Variants in GOLGA8B observed in about 807,000 individuals in gnomAD.
GOLGA8B encodes the protein golgin A8 family member B.
Under a neutral mutation model 15.6 loss-of-function variants are expected in GOLGA8B, and 1 was observed. The observed-to-expected ratio is 0.06, with a 90% CI of 0.02 to 0.30. GOLGA8B has a LOEUF of 0.30. GOLGA8B is among the 10% of genes least tolerant of loss of function. The probability of loss-of-function intolerance (pLI) is 1.00; values close to 1 mark genes in which losing one functional copy is unlikely to be tolerated. For missense variants in GOLGA8B, 17 were observed against 201.3 expected, an observed-to-expected ratio of 0.08 and a Z score of 5.54; for synonymous variants, 9 against 80.3, an observed-to-expected ratio of 0.11 and a Z score of 4.75.
chr15:34,581,827 A>T (rs1280834821), intron 1 of GOLGA8B, among the ~76,000 whole-genome samples: 1 of 152,094 alleles, frequency 6.6e-6, no homozygotes, highest in African/African-American at 2.4e-5. Flanking sequence ...CGCACTTCCT[A>T]ACAAATGAGA....
At chr15:34,564,404 C>T (rs969338709) in intron 1 of GOLGA8B, among the ~76,000 whole-genome samples, 17 of 145,380 alleles carry the variant, frequency 1.2e-4, no homozygotes, top group Non-Finnish European at 1.7e-4. Context: ...TACTTCTAGG[C>T]TGCTGTAAAG....
At chr15:34,570,087 A>AC (rs1184484760) in intron 1 of GOLGA8B, among the ~76,000 whole-genome samples, 79 of 151,794 alleles carry the variant, frequency 5.2e-4, no homozygotes, top group African/African-American at 1.5e-3. Context: ...TCTTCTCCCT[A>AC]CCCCTCATCT....
intron 1 of GOLGA8B, among the ~76,000 whole-genome samples, chr15:34,561,316 G>GT (rs1325308700): frequency 6.6e-6 from 1 of 150,994 alleles, no homozygotes; most frequent in Non-Finnish European, 1.5e-5. Context: ...TAATACACTT[G>GT]TAACATAAAG....
intron 1 of GOLGA8B, among the ~76,000 whole-genome samples, chr15:34,563,964 T>C (rs1169330191): frequency 2.2e-5 from 3 of 137,966 alleles, no homozygotes; most frequent in Non-Finnish European, 4.9e-5. Flanking sequence ...ACCAATGGTA[T>C]GCAGGGCTGA....
At chr15:34,559,393 A>T (rs1218021186) in intron 1 of GOLGA8B, among the ~76,000 whole-genome samples, 1 of 143,274 alleles carries the variant, frequency 7.0e-6, no homozygotes, top group Non-Finnish European at 1.5e-5. Flanking sequence ...ACACCTAAAA[A>T]TGGTTAAGAT....
intron 1 of GOLGA8B, among the ~76,000 whole-genome samples, chr15:34,577,507 TACACACACACACAC>T (rs71119972): frequency 3.6e-3 from 446 of 125,292 alleles, no homozygotes; most frequent in African/African-American, 0.011. Context: ...TTATATATCA[TACACACACACACAC>T]ACACACACAC....
At chr15:34,575,628 C>G (rs1235765233) in intron 1 of GOLGA8B, among the ~76,000 whole-genome samples, 1 of 152,094 alleles carries the variant, frequency 6.6e-6, no homozygotes, top group Non-Finnish European at 1.5e-5. Context: ...GGGTGCCACA[C>G]TCCAGGCTGG....
Position 34,579,019 on chromosome 15 carries a change from T to G in GOLGA8B, c.-1123+4497A>C, listed in dbSNP as rs1413116108. On this transcript the variant is annotated intron_variant, in intron 1 of 23. Coordinates refer to ENST00000683415, the MANE Select transcript of GOLGA8B (RefSeq NM_001023567.5). The stretch of plus-strand genomic sequence containing the variant: ...CCACACCATGGAGTCCTTGCTATCA[T>G]AAAATATCTCGCATCAGTTCAATAT... Among the ~76,000 whole-genome samples, 3 of 152,018 alleles carry G rather than the reference T, an allele frequency of 2.0e-5. 1 individual carries two copies. Among genetic ancestry groups the G allele is most frequent in the Non-Finnish European group, 4.4e-5 (3 of 68,020 alleles).
chr15:34,571,400 T>C (rs1888910105), intron 1 of GOLGA8B, among the ~76,000 whole-genome samples: 1 of 151,752 alleles, frequency 6.6e-6, no homozygotes, highest in Non-Finnish European at 1.5e-5. Flanking sequence ...AGAAGAGGAA[T>C]GAAGAGGTAA....
At chr15:34,572,696 G>A (rs1424745614) in intron 1 of GOLGA8B, among the ~76,000 whole-genome samples, 10 of 152,176 alleles carry the variant, frequency 6.6e-5, no homozygotes, top group Non-Finnish European at 1.5e-4. Flanking sequence ...GTGAAGTTAG[G>A]GGGAAGCTTT....
chr15:34,574,765 C>G (rs1889021637), intron 1 of GOLGA8B: 1 of 152,308 alleles, frequency 6.6e-6, no homozygotes, highest in Non-Finnish European at 1.5e-5. Context: ...TCCCCCACCT[C>G]CACACCATGC....
intron 1 of GOLGA8B, among the ~76,000 whole-genome samples, chr15:34,581,948 G>A (rs572794850): frequency 1.3e-5 from 2 of 152,240 alleles, no homozygotes; most frequent in South Asian, 4.2e-4. Flanking sequence ...AGGGCTGCCG[G>A]CACACAGCTG....
At chr15:34,556,818 T>C (rs1308861082) in intron 1 of GOLGA8B, 5 of 639,692 alleles carry the variant, frequency 7.8e-6, no homozygotes, top group Admixed American at 5.5e-5. Context: ...CACGAGCAGG[T>C]AGGACTCTAG....
At chr15:34,580,360 T>C (rs1391370499) in intron 1 of GOLGA8B, among the ~76,000 whole-genome samples, 1 of 152,114 alleles carries the variant, frequency 6.6e-6, no homozygotes, top group African/African-American at 2.4e-5. Context: ...GGAAAGCCAC[T>C]GAAGGCCTGG....
Position 34,527,169 on chromosome 15 carries a change from G to A in GOLGA8B, c.*463C>T, listed in dbSNP as rs113580125. 192 of 300,314 alleles carry A rather than the reference G, an allele frequency of 6.4e-4. 11 individuals are homozygous for A. The highest frequency in any genetic ancestry group is 4.1e-3 in the African/African-American group (181 of 44,180). The allele number at this position is 300,314 out of a possible 1,614,324, so 18.6% of individuals were successfully genotyped here. A position where few individuals can be genotyped will look rare whatever the true frequency, so the allele number is the denominator to read the frequency against. ...CACTTGAGGGCAAACCGCATATTGA[G>A]CTATGGAAGAGCTCACTGTGATTAA... On this transcript the variant is annotated 3_prime_UTR_variant, in exon 24 of 24. Coordinates refer to ENST00000683415, the MANE Select transcript of GOLGA8B (RefSeq NM_001023567.5).
At chr15:34,572,113 C>T (rs36110558) in intron 1 of GOLGA8B, among the ~76,000 whole-genome samples, 58,092 of 151,314 alleles carry the variant, frequency 0.38, 10,556 homozygotes, top group Admixed American at 0.47. Context: ...GCTATCACTT[C>T]ACACCCACAT....
Position 34,525,249 on chromosome 15 carries a change from G to A in GOLGA8B, c.*2383C>T, listed in dbSNP as rs1894418705. 1.3e-5 allele frequency: 2 copies of A among 149,470 alleles called. No homozygotes were observed. Among genetic ancestry groups the A allele is most frequent in the African/African-American group, 5.0e-5 (2 of 40,254 alleles). 9.3% of individuals were successfully genotyped at this position (149,470 alleles called of 1,614,324 possible). ...CCTTTAATACTATAATTTTCAAGATGCGCAAAATAAAATTTTAAGGCAAAA... is the reference window on the plus strand; with the variant it reads ...CCTTTAATACTATAATTTTCAAGATACGCAAAATAAAATTTTAAGGCAAAA... On this transcript the variant is annotated 3_prime_UTR_variant, in exon 24 of 24. Transcript: ENST00000683415.
intron 1 of GOLGA8B, among the ~76,000 whole-genome samples, chr15:34,572,339 G>A (rs1308101816): frequency 1.3e-5 from 2 of 152,122 alleles, no homozygotes; most frequent in Non-Finnish European, 2.9e-5. Context: ...ACAACCCCAC[G>A]CAGATGCAAG....
At chr15:34,566,727 G>C (rs1389121903) in intron 1 of GOLGA8B, among the ~76,000 whole-genome samples, 1 of 142,150 alleles carries the variant, frequency 7.0e-6, no homozygotes, top group Non-Finnish European at 1.6e-5. Flanking sequence ...CACGGGCACA[G>C]GCCTGCACTC....
Sources: gnomAD v4.1 joint callset for allele counts (sites outside exome capture counted in the v4.1 genomes callset) on GRCh38, gnomAD v4.1.1 for gene constraint, MANE v1.5 for transcripts, NCBI Gene and HGNC (gene_info 2026-07-23, HGNC 2026-07-21) for gene names.